Variants in PPIL4 observed in about 807,000 individuals in gnomAD.
PPIL4 encodes the protein peptidylprolyl isomerase like 4.
A neutral mutation model predicts 69.1 loss-of-function variants in PPIL4; 50 were observed. The ratio of observed to expected loss-of-function variants is 0.72; its 90% CI spans 0.58 to 0.92. The LOEUF is 0.92. Ranked by LOEUF, PPIL4 falls within the 40% of genes least tolerant of loss-of-function variation. The probability of loss-of-function intolerance (pLI) is 0.00; values close to 1 mark genes in which losing one functional copy is unlikely to be tolerated. For missense variants in PPIL4, 480 were observed against 587.9 expected (o/e 0.82, Z 1.90); for synonymous variants, 193 against 191.6 (o/e 1.01, Z -0.06).
Position 149,505,645 on chromosome 6 carries a change from T to C in PPIL4, c.1287A>G (p.Lys429=), listed in dbSNP as rs1351726867. The C allele has an allele frequency of 3.1e-6, 5 of 1,614,168 alleles. No individual in the cohort carries two copies. The highest frequency in any genetic ancestry group is 4.2e-6 in the Non-Finnish European group (5 of 1,180,012). The stretch of plus-strand genomic sequence containing the variant: ...TTCGGTCTCTCTTTTCACTCTTTTG[T>C]TTCTCCCAACAGCTTTCTTCTTCTT... ...HYEEEESCWE[K]QKSEKRDRTQ... is the part of the protein sequence containing the mutation. Residue 429 remains lysine, a synonymous_variant, in exon 13 of 13, where the codon AAA becomes AAG. Coordinates refer to ENST00000253329, the MANE Select transcript of PPIL4 (RefSeq NM_139126.4).
chr6:149,534,047 T>A lies in PPIL4; in HGVS notation c.562-473A>T, dbSNP rs534777959. Among the ~76,000 whole-genome samples the A allele has an allele frequency of 1.3e-4, 20 of 151,948 alleles. No homozygotes were observed. In the East Asian group the frequency reaches 2.9e-3, roughly 22 times the overall value. On this transcript the variant is annotated intron_variant, in intron 6 of 12. Coordinates refer to ENST00000253329, the MANE Select transcript of PPIL4 (RefSeq NM_139126.4). ...GGCATGCACCTACAATCCCAGCAACTCAAGAGGCTGAGGCACGAGAATTGC... is the reference window on the plus strand; with the variant it reads ...GGCATGCACCTACAATCCCAGCAACACAAGAGGCTGAGGCACGAGAATTGC...
intron 7 of PPIL4, among the ~76,000 whole-genome samples, chr6:149,527,856 C>G (rs1242349250): frequency 6.6e-6 from 1 of 152,174 alleles, no homozygotes; most frequent in African/African-American, 2.4e-5. Context: ...GATAAACATG[C>G]CCTTCCCCCC....
chr6:149,533,586 GA>G lies in PPIL4; in HGVS notation c.562-13del. ...CCTATTCGACCACTCTGTTAAGACA[GA>G]AGTTACTCATGTATATATTTAAAGA... On this transcript the variant is annotated splice_polypyrimidine_tract_variant and intron_variant, in intron 6 of 12. Transcript: ENST00000253329. 1 of 1,443,070 alleles carries G rather than the reference GA, an allele frequency of 6.9e-7. No homozygotes were observed. The highest frequency in any genetic ancestry group is 9.7e-7 in the Non-Finnish European group (1 of 1,029,562). The allele number at this position is 1,443,070 out of a possible 1,614,324, so 89.4% of individuals were successfully genotyped here.
At chr6:149,530,907 T>C (rs746118641) in intron 7 of PPIL4, among the ~76,000 whole-genome samples, 1 of 152,162 alleles carries the variant, frequency 6.6e-6, no homozygotes, top group Non-Finnish European at 1.5e-5. Flanking sequence ...CACCAGGCAG[T>C]GGACTACCAT....
At chr6:149,528,516 G>A (rs1025966603) in intron 7 of PPIL4, among the ~76,000 whole-genome samples, 1 of 152,154 alleles carries the variant, frequency 6.6e-6, no homozygotes, top group African/African-American at 2.4e-5. Context: ...AATAAAGTAA[G>A]AGAAACAGAT....
At chr6:149,517,172 G>A (rs886796493) in intron 11 of PPIL4, among the ~76,000 whole-genome samples, 182 bp downstream of exon 11, 9 of 152,222 alleles carry the variant, frequency 5.9e-5, no homozygotes, top group Non-Finnish European at 1.2e-4. Flanking sequence ...TAGTGAAAAA[G>A]CAAAGTATAT....
chr6:149,509,008 G>A (rs1776804477), intron 12 of PPIL4, among the ~76,000 whole-genome samples: 1 of 151,848 alleles, frequency 6.6e-6, no homozygotes, highest in African/African-American at 2.4e-5. Context: ...AAAAAATCGG[G>A]GGGCCATTAA....
chr6:149,519,100 T>C (rs1012758461), intron 10 of PPIL4, among the ~76,000 whole-genome samples: 3 of 152,082 alleles, frequency 2.0e-5, no homozygotes, highest in Non-Finnish European at 4.4e-5. Context: ...GGAAAAAACA[T>C]GAAGAAATTT....
chr6:149,510,847 T>C (rs756117137), intron 12 of PPIL4, among the ~76,000 whole-genome samples: 2 of 151,742 alleles, frequency 1.3e-5, no homozygotes, highest in Non-Finnish European at 2.9e-5. Flanking sequence ...AGTAATTTGC[T>C]TTAACAGTTA....
chr6:149,512,916 G>C (rs1370528617), intron 11 of PPIL4, among the ~76,000 whole-genome samples: 1 of 151,586 alleles, frequency 6.6e-6, no homozygotes. Flanking sequence ...CTAATTTTTT[G>C]TGTCTTTAGT....
chr6:149,520,999 C>T (rs1357832696), intron 10 of PPIL4, 61 bp downstream of exon 10: 8 of 885,046 alleles, frequency 9.0e-6, no homozygotes, highest in African/African-American at 8.6e-5. Context: ...GGCAACAGAG[C>T]GAGACTCCAT....
In PPIL4 at chr6:149,534,667, G is replaced by C; in HGVS notation, c.561+11C>G. 1 of 1,307,660 alleles carries C rather than the reference G, an allele frequency of 7.6e-7. No homozygotes were observed. The highest frequency in any genetic ancestry group is 1.1e-6 in the Non-Finnish European group (1 of 917,110). The allele number at this position is 1,307,660 out of a possible 1,614,324, so 81.0% of individuals were successfully genotyped here. On this transcript the variant is annotated intron_variant, in intron 6 of 12. Transcript: ENST00000253329. ...TGAATGTACATTTAATCATAAGAGG[G>C]CTTTACTTACATCTAATTGTTCCCT...
chr6:149,527,709 A>G (rs1266238898), intron 7 of PPIL4, among the ~76,000 whole-genome samples: 1 of 152,186 alleles, frequency 6.6e-6, no homozygotes, highest in Admixed American at 6.6e-5. Flanking sequence ...ATTTCCTTGC[A>G]TATCATCAGA....
rs568607012 is a variant in PPIL4, at chr6:149,515,895, A to T, written c.1079+1459T>A. Among the ~76,000 whole-genome samples, 44 of 152,200 alleles carry T rather than the reference A, an allele frequency of 2.9e-4. 1 individual carries two copies. In the South Asian group the frequency reaches 8.5e-3, roughly 29 times the overall value. On this transcript the variant is annotated intron_variant, in intron 11 of 12. Transcript: ENST00000253329. ...CCTACTTCTATTTTTGATTCTTCTTATTAATAATCTATACTTTCACTAATT... is the reference window on the plus strand; with the variant it reads ...CCTACTTCTATTTTTGATTCTTCTTTTTAATAATCTATACTTTCACTAATT...
At chr6:149,507,088 G>C (rs546753396) in intron 12 of PPIL4, among the ~76,000 whole-genome samples, 192 of 152,224 alleles carry the variant, frequency 1.3e-3, no homozygotes, top group Non-Finnish European at 2.2e-3. Flanking sequence ...AAAATTCTAA[G>C]GACTAAACTC....
chr6:149,515,755 T>C (rs559937946), intron 11 of PPIL4, among the ~76,000 whole-genome samples: 1 of 152,284 alleles, frequency 6.6e-6, no homozygotes, highest in African/African-American at 2.4e-5. Flanking sequence ...AAATCAACAC[T>C]TTCAGAAGAC....
rs747681212 is a variant in PPIL4 at position 149,513,438 on chromosome 6, T to TATAC, written c.1080-1137_1080-1136insGTAT. 3.9e-3 allele frequency among the ~76,000 whole-genome samples: 406 copies of TATAC among 103,286 alleles called. 4 individuals are homozygous for TATAC. The highest frequency in any genetic ancestry group is 0.011 in the South Asian group (34 of 2,984). 67.8% of individuals were successfully genotyped at this position (103,286 alleles called of 152,430 possible). A position where few individuals can be genotyped will look rare whatever the true frequency, so the allele number is the denominator to read the frequency against. Reference sequence around the variant, plus strand: ...ATATATATATATATATATATATATATACATATAAAAAATATGCATAATAGT... The same window carrying TATAC: ...ATATATATATATATATATATATATATATACACATATAAAAAATATGCATAATAGT... On this transcript the variant is annotated intron_variant, in intron 11 of 12. Transcript: ENST00000253329.
chr6:149,509,348 C>T (rs933608715), intron 12 of PPIL4, among the ~76,000 whole-genome samples: 1 of 152,222 alleles, frequency 6.6e-6, no homozygotes, highest in South Asian at 2.1e-4. Context: ...AAAAACACAA[C>T]CAGTCTGAAA....
intron 12 of PPIL4, among the ~76,000 whole-genome samples, chr6:149,511,068 C>A (rs1776834311): frequency 6.6e-6 from 1 of 151,916 alleles, no homozygotes; most frequent in Non-Finnish European, 1.5e-5. Flanking sequence ...CTTGACTCTG[C>A]CTATCATACT....
Sources: allele counts gnomAD v4.1 joint callset (sites outside exome capture counted in the v4.1 genomes callset), GRCh38; gene constraint gnomAD v4.1.1; transcripts MANE v1.5; gene names NCBI Gene and HGNC (gene_info 2026-07-23, HGNC 2026-07-21).